Variants in DNAH8 observed in about 807,000 individuals in gnomAD.
The protein encoded by DNAH8 is dynein axonemal heavy chain 8, also known as axonemal beta dynein heavy chain 8.
Under a neutral mutation model 562.1 loss-of-function variants are expected in DNAH8, and 382 were observed. The observed-to-expected ratio is 0.68, with a 90% confidence interval of 0.63 to 0.74. DNAH8 has a LOEUF of 0.74. Among genes scored for constraint, DNAH8 ranks in the 30% least tolerant of loss-of-function variants. The pLI is 0.00. For missense variants in DNAH8, 5,203 were observed against 5,620.4 expected (o/e 0.93, Z 2.37); for synonymous variants, 1,881 against 1,919.4 (o/e 0.98, Z 0.52).
At chr6:38,937,903 TCAGAAGAG>T in intron 77 of DNAH8, 63 bp from the exon 78 acceptor site, 1 of 1,531,680 alleles carries the variant, frequency 6.5e-7, no homozygotes, top group Admixed American at 2.1e-5. Flanking sequence ...TTTTTTTTTT[TCAGAAGAG>T]ATGTATCTTG....
At chr6:38,894,633 G>A in intron 58 of DNAH8, 68 bp from the exon 59 acceptor site, 1 of 1,247,326 alleles carries the variant, frequency 8.0e-7, no homozygotes, top group Non-Finnish European at 1.2e-6. Context: ...TGAGACAGTT[G>A]TAAAAGTAAT....
intron 9 of DNAH8, among the ~76,000 whole-genome samples, chr6:38,752,204 C>G (rs959956677): frequency 6.6e-6 from 1 of 151,202 alleles, no homozygotes; most frequent in African/African-American, 2.5e-5. Flanking sequence ...CTCTCTGTCA[C>G]CCAGGCTGGA....
chr6:39,005,989 A>G (rs1765778002), intron 88 of DNAH8, among the ~76,000 whole-genome samples: 1 of 152,250 alleles, frequency 6.6e-6, no homozygotes. Context: ...ACAAGCCAAG[A>G]AGTGCAGGTG....
chr6:38,868,317 G>T (rs906859030), intron 48 of DNAH8, 121 bp downstream of exon 48: 1 of 971,140 alleles, frequency 1.0e-6, no homozygotes. Context: ...GATAATAAGT[G>T]TGCAAAGCTA....
chr6:38,894,477 G>T (rs141292159), intron 58 of DNAH8, among the ~76,000 whole-genome samples: 1 of 152,230 alleles, frequency 6.6e-6, no homozygotes, highest in Non-Finnish European at 1.5e-5. Context: ...CCAGTGCCTT[G>T]GTCTTGAATC....
intron 89 of DNAH8, among the ~76,000 whole-genome samples, chr6:39,010,801 G>GCA (rs59768434): frequency 0.18 from 24,979 of 141,290 alleles, 2,659 homozygotes; most frequent in African/African-American, 0.29. Context: ...GCACGTGTAC[G>GCA]CACACACACA....
intron 45 of DNAH8, among the ~76,000 whole-genome samples, chr6:38,865,105 T>TA (rs1345401275): frequency 6.6e-6 from 1 of 152,244 alleles, no homozygotes; most frequent in African/African-American, 2.4e-5. Context: ...CGGGAGTTTT[T>TA]ATGCTTTTAT....
At position 38,932,183 on chromosome 6, in the gene DNAH8, A is replaced by AACACAC. The variant is rs70981599; in HGVS notation, c.11457+219_11457+224dup. Among the ~76,000 whole-genome samples the AACACAC allele has an allele frequency of 7.9e-3, 1,106 of 139,840 alleles. 10 individuals are homozygous for AACACAC. The highest frequency in any genetic ancestry group is 0.019 in the Middle Eastern group (5 of 268). The allele number at this position is 139,840 out of a possible 152,430, so 91.7% of individuals were successfully genotyped here. ...TAACTCATCTTCTCATCCAGCCTGA[A>AACACAC]ACACACACACACACACACACACACA... On this transcript the variant is annotated intron_variant, in intron 76 of 92. Transcript: ENST00000327475.
Position 38,888,420 on chromosome 6 carries a change from TCATTAAAAAATAACA to T in DNAH8, c.8473+1417_8473+1431del, listed in dbSNP as rs1381579176. Among the ~76,000 whole-genome samples the T allele has an allele frequency of 1.7e-3, 254 of 152,264 alleles. 1 individual carries two copies. Among genetic ancestry groups the T allele is most frequent in the Admixed American group, 0.012 (184 of 15,294 alleles). On this transcript the variant is annotated intron_variant, in intron 57 of 92. Coordinates refer to ENST00000327475, the MANE Select transcript of DNAH8 (RefSeq NM_001206927.2). Reference sequence around the variant, plus strand: ...CTAGATTGAAATGTAAAATTTCTCTTCATTAAAAAATAACATTAAGAGAGTGAAAAGCCTCAAAGT... The same window carrying T: ...CTAGATTGAAATGTAAAATTTCTCTTTTAAGAGAGTGAAAAGCCTCAAAGT...
At chr6:38,887,094 T>A in intron 57 of DNAH8, 90 bp downstream of exon 57, 1 of 912,700 alleles carries the variant, frequency 1.1e-6, no homozygotes, top group Non-Finnish European at 1.7e-6. Flanking sequence ...AGGCTCTGTC[T>A]AAAGTGGGGT....
intron 13 of DNAH8, among the ~76,000 whole-genome samples, chr6:38,777,664 C>G (rs989039958): frequency 6.6e-6 from 1 of 152,068 alleles, no homozygotes; most frequent in Non-Finnish European, 1.5e-5. Context: ...AACTGCTGTC[C>G]TCAAGCTATC....
intron 77 of DNAH8, among the ~76,000 whole-genome samples, chr6:38,937,231 G>A (rs1783046782): frequency 6.6e-6 from 1 of 151,990 alleles, no homozygotes; most frequent in Non-Finnish European, 1.5e-5. Context: ...GGGAGGGATA[G>A]CGTTAGGAGA....
chr6:38,951,254 T>G, intron 81 of DNAH8, 64 bp from the exon 82 acceptor site: 1 of 1,385,476 alleles, frequency 7.2e-7, no homozygotes, highest in East Asian at 2.3e-5. Context: ...TGTTTTTACT[T>G]ACTCAGATAG....
chr6:38,937,891 G>T (rs1561887561), intron 77 of DNAH8, 83 bp from the exon 78 acceptor site: 17 of 1,203,210 alleles, frequency 1.4e-5, no homozygotes, highest in Admixed American at 2.4e-5. Context: ...AGCTAACAGC[G>T]TTTTTTTTTT....
In DNAH8 at chr6:38,779,078, C is replaced by T. The variant is rs113166087; in HGVS notation, c.2039+614C>T. 8.4e-4 allele frequency among the ~76,000 whole-genome samples: 128 copies of T among 152,262 alleles called. 1 individual carries two copies. Among genetic ancestry groups the T allele is most frequent in the African/African-American group, 2.9e-3 (122 of 41,548 alleles). ...CCCTCTATCCTAACAGCACTACTCT[C>T]TCAAAGGGCGAGGAATCCCAGATTA... On this transcript the variant is annotated intron_variant, in intron 14 of 92. Transcript: ENST00000327475.
intron 67 of DNAH8, among the ~76,000 whole-genome samples, chr6:38,914,677 A>T (rs1781171088): frequency 6.6e-6 from 1 of 151,984 alleles, no homozygotes. Flanking sequence ...TCTATTATAC[A>T]GCCTTCTAGT....
At chr6:38,874,412 C>G (rs531787359) in intron 52 of DNAH8, among the ~76,000 whole-genome samples, 1 of 150,414 alleles carries the variant, frequency 6.6e-6, no homozygotes, top group South Asian at 2.1e-4. Flanking sequence ...GTTGCCCAGG[C>G]TGGAGTGTAG....
chr6:38,976,183 G>T (rs940960883), intron 85 of DNAH8, among the ~76,000 whole-genome samples: 1 of 152,234 alleles, frequency 6.6e-6, no homozygotes, highest in Non-Finnish European at 1.5e-5. Flanking sequence ...GGACTTTCGT[G>T]CTTGCTGTGA....
intron 18 of DNAH8, among the ~76,000 whole-genome samples, chr6:38,788,247 G>A (rs535637605): frequency 1.8e-4 from 27 of 152,146 alleles, no homozygotes; most frequent in Admixed American, 1.8e-3. Flanking sequence ...CGCCTCCTGG[G>A]TTCAAGCGAT....
Sources: allele counts gnomAD v4.1 joint callset (sites outside exome capture counted in the v4.1 genomes callset), GRCh38; gene constraint gnomAD v4.1.1; transcripts MANE v1.5; gene names NCBI Gene and HGNC (gene_info 2026-07-23, HGNC 2026-07-21).